The following DNAH11 variants were observed in gnomAD, a reference collection of about 807,000 sequenced individuals.
The protein encoded by DNAH11 is axonemal beta dynein heavy chain 11.
DNAH11 carries 442 observed loss-of-function variants against 526.0 expected under a neutral mutation model. The observed-to-expected ratio is 0.84, with a 90% confidence interval of 0.78 to 0.91. The LOEUF is 0.91. DNAH11 is among the 40% of genes least tolerant of loss of function. The probability of loss-of-function intolerance (pLI) is 0.00; values close to 1 mark genes in which losing one functional copy is unlikely to be tolerated. For synonymous variants in DNAH11, 2,461 were observed against 1,935.9 expected (o/e 1.27, Z -7.12); for missense variants, 6,989 against 5,448.7 (o/e 1.28, Z -8.90).
chr7:21,681,664 T>C lies in DNAH11; in HGVS notation c.5447T>C (p.Leu1816Pro). The stretch of plus-strand genomic sequence containing the variant: ...CATGCCAGAGACGTGGTGGCAAAAC[T>C]TATTTCTCAGAAGGCAAGTTGTTTG... ...DVHARDVVAK[L>P]ISQKVVSPQA... The change falls in exon 31 of 82, where the codon CTT (leucine) becomes CCT (proline). Residue 1816 changes from leucine to proline, a missense_variant. Physicochemically the swap from Leu to Pro is moderately conservative, Grantham distance 98. Coordinates refer to ENST00000409508, the MANE Select transcript of DNAH11 (RefSeq NM_001277115.2). The C allele has an allele frequency of 1.9e-6, 3 of 1,613,964 alleles. No homozygotes were observed. The highest frequency in any genetic ancestry group is 2.5e-6 in the Non-Finnish European group (3 of 1,179,854).
intron 72 of DNAH11, 93 bp downstream of exon 72, chr7:21,868,100 G>GTTTA: frequency 1.1e-6 from 1 of 920,210 alleles, no homozygotes; most frequent in Non-Finnish European, 1.4e-6. Flanking sequence ...AGTGATCTTA[G>GTTTA]TTTCTTTTTT....
intron 65 of DNAH11, among the ~76,000 whole-genome samples, chr7:21,823,651 G>A (rs139726918): frequency 5.3e-5 from 8 of 151,680 alleles, no homozygotes; most frequent in Non-Finnish European, 1.2e-4. Context: ...TTATGCATAA[G>A]AATCATATAC....
chr7:21,713,259 T>A (rs150122810), intron 42 of DNAH11, among the ~76,000 whole-genome samples: 23 of 152,238 alleles, frequency 1.5e-4, no homozygotes, highest in Admixed American at 7.9e-4. Context: ...GGACACACAC[T>A]CCATCCTTCT....
intron 18 of DNAH11, 69 bp downstream of exon 18, chr7:21,601,687 T>A: frequency 8.5e-7 from 1 of 1,182,112 alleles, no homozygotes; most frequent in Non-Finnish European, 1.2e-6. Context: ...GTACTTTACA[T>A]GTACTCTCTT....
chr7:21,678,578 A>G (rs1783002181), intron 30 of DNAH11, among the ~76,000 whole-genome samples: 1 of 150,930 alleles, frequency 6.6e-6, no homozygotes, highest in Non-Finnish European at 1.5e-5. Flanking sequence ...TGTTTTTTCT[A>G]CATCTGCAAA....
chr7:21,839,292 C>T (rs911678700), intron 65 of DNAH11, among the ~76,000 whole-genome samples: 7 of 151,806 alleles, frequency 4.6e-5, no homozygotes, highest in Non-Finnish European at 8.8e-5. Flanking sequence ...AAGTTGATGC[C>T]GACCGGGTAT....
rs749092321 is a variant in DNAH11 at position 21,588,072 on chromosome 7, C to T, written c.1719C>T (p.Thr573=). Residue 573 remains threonine (T), a synonymous_variant, in exon 10 of 82, where the codon ACC becomes ACT. Coordinates refer to ENST00000409508, the MANE Select transcript of DNAH11 (RefSeq NM_001277115.2). ...CACTTTGATTTTTATAGCTTTTGAC[C>T]ATATTTGGAAATTTTCTAGAGAAGC... ...NGLEAAFKLL[T]IFGNFLEKPV... is the part of the protein sequence containing the mutation. 6 of 1,612,668 alleles carry T rather than the reference C, an allele frequency of 3.7e-6. No individual in the cohort carries two copies. Among genetic ancestry groups the T allele is most frequent in the Non-Finnish European group, 4.2e-6 (5 of 1,179,446 alleles).
intron 62 of DNAH11, among the ~76,000 whole-genome samples, chr7:21,805,874 A>G (rs942132277): frequency 7.9e-5 from 12 of 152,210 alleles, no homozygotes; most frequent in Non-Finnish European, 1.6e-4. Flanking sequence ...AACAGGAGAC[A>G]GTTAACTTCT....
chr7:21,795,561 C>G (rs1788672494), intron 61 of DNAH11, among the ~76,000 whole-genome samples: 1 of 152,044 alleles, frequency 6.6e-6, no homozygotes, highest in Non-Finnish European at 1.5e-5. Context: ...GAGAGGAACT[C>G]AAAAACTATT....
At chr7:21,890,551 CAG>C (rs1784293611) in intron 76 of DNAH11, among the ~76,000 whole-genome samples, 1 of 152,136 alleles carries the variant, frequency 6.6e-6, no homozygotes, top group Non-Finnish European at 1.5e-5. Flanking sequence ...TAAGCACAAA[CAG>C]AGAAGACCAA....
chr7:21,897,415 C>T (rs369210035), intron 79 of DNAH11, among the ~76,000 whole-genome samples: 10 of 146,132 alleles, frequency 6.8e-5, no homozygotes, highest in East Asian at 3.9e-4. Flanking sequence ...CAAATGCTGC[C>T]GTGGAGATGT....
At position 21,589,230 on chromosome 7, in the gene DNAH11, G is replaced by A. The variant is rs1415369353; in HGVS notation, c.1996G>A (p.Ala666Thr). The stretch of plus-strand genomic sequence containing the variant: ...CAGATTTTTGGGCAATCCTGATCAC[G>A]CTTTAGTTTATCAAAAGTATGTTGA... ...RYLFLGNPDH[A>T]LVYQKYVEMT... Residue 666 changes from alanine (A) to threonine (T), a missense_variant, in exon 12 of 82, where the codon GCT (alanine) becomes ACT (threonine). Transcript: ENST00000409508. The A allele has an allele frequency of 6.2e-6, 10 of 1,607,968 alleles. No homozygotes were observed. The highest frequency in any genetic ancestry group is 1.7e-4 in the Middle Eastern group (1 of 6,002).
chr7:21,594,024 ACACT>A (rs946467102), intron 14 of DNAH11, among the ~76,000 whole-genome samples: 23 of 149,656 alleles, frequency 1.5e-4, no homozygotes, highest in African/African-American at 3.9e-4. Flanking sequence ...ACACTCACAC[ACACT>A]CTTTCTCCCT....
In DNAH11 at chr7:21,848,825, T is replaced by A. The variant is rs569544409; in HGVS notation, c.10897-3642T>A. On this transcript the variant is annotated intron_variant, in intron 66 of 81. Transcript: ENST00000409508. Reference sequence around the variant, plus strand: ...ATATAAATTGTATTTCTTTTAAAAATTTTTTTAGTGGTTACCTTAGCATTT... The same window carrying A: ...ATATAAATTGTATTTCTTTTAAAAAATTTTTTAGTGGTTACCTTAGCATTT... Among the ~76,000 whole-genome samples the A allele has an allele frequency of 4.2e-4, 64 of 152,272 alleles. 2 individuals are homozygous for A. Among genetic ancestry groups the A allele is most frequent in the Admixed American group, 3.7e-3 (56 of 15,288 alleles).
At chr7:21,855,505 C>G (rs2128026274) in intron 68 of DNAH11, among the ~76,000 whole-genome samples, 1 of 152,222 alleles carries the variant, frequency 6.6e-6, no homozygotes, top group East Asian at 1.9e-4. Context: ...ATTCTTTATC[C>G]CTATTACATC....
At chr7:21,866,275 G>A (rs115230977) in intron 70 of DNAH11, among the ~76,000 whole-genome samples, 195 bp from the exon 71 acceptor site, 428 of 150,328 alleles carry the variant, frequency 2.8e-3, no homozygotes, top group African/African-American at 9.7e-3. Context: ...CAGGGAACCA[G>A]GGAACTCAGC....
chr7:21,655,521 C>T (rs1202536495), intron 28 of DNAH11, among the ~76,000 whole-genome samples: 1 of 152,084 alleles, frequency 6.6e-6, no homozygotes, highest in South Asian at 2.1e-4. Flanking sequence ...CAGTAGGATG[C>T]CTGTCTACAG....
intron 25 of DNAH11, among the ~76,000 whole-genome samples, chr7:21,634,941 T>G (rs797015771): frequency 4.6e-5 from 7 of 152,330 alleles, no homozygotes; most frequent in African/African-American, 1.7e-4. Context: ...AAAATAGAGT[T>G]TGTTAGCTTT....
chr7:21,714,559 C>T (rs1286975196), intron 42 of DNAH11, among the ~76,000 whole-genome samples: 1 of 152,066 alleles, frequency 6.6e-6, no homozygotes, highest in African/African-American at 2.4e-5. Context: ...ATTTAATACT[C>T]AGTTACCTTC....
Sources: gnomAD v4.1 joint callset for allele counts (sites outside exome capture counted in the v4.1 genomes callset) on GRCh38, gnomAD v4.1.1 for gene constraint, MANE v1.5 for transcripts, NCBI Gene and HGNC (gene_info 2026-07-23, HGNC 2026-07-21) for gene names.